G3BP2: variants seen among roughly 807,000 people sequenced by gnomAD.
The protein encoded by G3BP2 is ras GTPase-activating protein-binding protein 2.
Under a neutral mutation model 56.7 loss-of-function variants are expected in G3BP2, and 11 were observed. That is an observed-to-expected ratio of 0.19 (90% CI 0.12 to 0.32). G3BP2 has a LOEUF of 0.32. Ranked by LOEUF, G3BP2 falls within the 10% of genes least tolerant of loss-of-function variation. The pLI, the probability that G3BP2 is intolerant of heterozygous loss-of-function variation, is 1.00. For missense variants in G3BP2, 340 were observed against 610.9 expected, an observed-to-expected ratio of 0.56 and a Z score of 4.67; for synonymous variants, 165 against 191.6, an observed-to-expected ratio of 0.86 and a Z score of 1.15.
chr4:75,673,654 A>AGG, upstream of G3BP2: 1 of 1,228,428 alleles, frequency 8.1e-7, no homozygotes. Flanking sequence ...CGTCACAAGC[A>AGG]GGCTGCCTTT....
intron 8 of G3BP2, among the ~76,000 whole-genome samples, chr4:75,652,573 G>A (rs1268445480): frequency 6.6e-6 from 1 of 152,128 alleles, no homozygotes; most frequent in Non-Finnish European, 1.5e-5. Flanking sequence ...AGTGAGCTAA[G>A]ATAACGCCAC....
chr4:75,715,865 T>C (rs1398299080), intron 3 of G3BP2, among the ~76,000 whole-genome samples: 1 of 152,174 alleles, frequency 6.6e-6, no homozygotes, highest in Admixed American at 6.5e-5. Context: ...TCCTGGTATT[T>C]ATTACACCAT....
upstream of G3BP2, among the ~76,000 whole-genome samples, chr4:75,674,714 A>ATTTTT (rs1402681956): frequency 1.8e-5 from 1 of 54,818 alleles, no homozygotes; most frequent in African/African-American, 6.5e-5. Flanking sequence ...ATATATATAT[A>ATTTTT]TATATTTTTT....
chr4:75,677,607 A>G (rs1350748235), upstream of G3BP2, among the ~76,000 whole-genome samples: 6 of 152,148 alleles, frequency 3.9e-5, no homozygotes, highest in Non-Finnish European at 5.9e-5. Flanking sequence ...AGATGACTAC[A>G]TGCATGTTTA....
chr4:75,693,216 C>A (rs1330710239), intron 3 of G3BP2, among the ~76,000 whole-genome samples: 2 of 152,026 alleles, frequency 1.3e-5, no homozygotes, highest in Non-Finnish European at 2.9e-5. Context: ...TTCACTCCAG[C>A]CTGGCTGACA....
chr4:75,674,718 A>ATATATATATATATTTTTTTTT (rs1241041465), upstream of G3BP2, among the ~76,000 whole-genome samples: 1 of 71,422 alleles, frequency 1.4e-5, no homozygotes, highest in African/African-American at 5.9e-5. Flanking sequence ...ATATATATAT[A>ATATATATATATATTTTTTTTT]TTTTTTTTTT....
At chr4:75,697,273 C>CAAAAAAAAAAAAAAAAAAAAAAAAAAAAA (rs869037819) in intron 3 of G3BP2, among the ~76,000 whole-genome samples, 3 of 28,842 alleles carry the variant, frequency 1.0e-4, no homozygotes, top group African/African-American at 2.7e-4. Context: ...GACTCTGTCT[C>CAAAAAAAAAAAAAAAAAAAAAAAAAAAAA]AAAAAAAAAA....
chr4:75,677,697 C>T (rs374406129), upstream of G3BP2, among the ~76,000 whole-genome samples: 6 of 152,170 alleles, frequency 3.9e-5, no homozygotes, highest in South Asian at 2.1e-4. Context: ...TTAAGGGAAA[C>T]GCATTTTTCT....
At chr4:75,681,473 T>C (rs1226888801) in intron 3 of G3BP2, among the ~76,000 whole-genome samples, 3 of 152,120 alleles carry the variant, frequency 2.0e-5, no homozygotes, top group Non-Finnish European at 4.4e-5. Context: ...ATATACTATG[T>C]TTTTTCCTAC....
chr4:75,716,490 T>A (rs1035843344), intron 3 of G3BP2, among the ~76,000 whole-genome samples: 4 of 145,998 alleles, frequency 2.7e-5, no homozygotes, highest in Non-Finnish European at 6.0e-5. Flanking sequence ...CTAGTTCTTG[T>A]TTTTTTTTGT....
chr4:75,673,056 C>G lies in G3BP2; in HGVS notation c.-25+152G>C, dbSNP rs1229755475. On this transcript the variant is annotated intron_variant, in intron 1 of 11. Coordinates refer to ENST00000359707, the MANE Select transcript of G3BP2 (RefSeq NM_203505.3). Reference sequence around the variant, plus strand: ...CTGGTCTTCTCTCACGCACACACGGCACCGTAGGGAGCCGGCAAGAACAAT... The same window carrying G: ...CTGGTCTTCTCTCACGCACACACGGGACCGTAGGGAGCCGGCAAGAACAAT... 3 of 1,001,810 alleles carry G rather than the reference C, an allele frequency of 3.0e-6. No homozygotes were observed. The African/African-American group carries it at 5.2e-5, about 17-fold the overall frequency. 62.1% of individuals were successfully genotyped at this position (1,001,810 alleles called of 1,614,324 possible).
chr4:75,723,196 GAGGCAGGAGCTGAAAAAGT>G (rs1420554460), intron 1 of G3BP2, among the ~76,000 whole-genome samples: 1 of 152,206 alleles, frequency 6.6e-6, no homozygotes. Context: ...GTATGTGGGG[GAGGCAGGAGCTGAAAAAGT>G]AGGCAGGAGC....
At chr4:75,652,606 C>T (rs1166746651) in intron 8 of G3BP2, among the ~76,000 whole-genome samples, 1 of 152,132 alleles carries the variant, frequency 6.6e-6, no homozygotes. Flanking sequence ...TGCACTCCAG[C>T]CTGGGCGACA....
intron 3 of G3BP2, among the ~76,000 whole-genome samples, chr4:75,709,692 TG>T (rs1719684753): frequency 6.6e-6 from 1 of 152,184 alleles, no homozygotes; most frequent in Non-Finnish European, 1.5e-5. Context: ...GTGTGTGTGG[TG>T]GGGCGGGTTT....
chr4:75,649,936 G>C (rs1471590822), intron 8 of G3BP2, among the ~76,000 whole-genome samples: 5 of 152,000 alleles, frequency 3.3e-5, no homozygotes, highest in Non-Finnish European at 7.4e-5. Context: ...GCTTGAACCC[G>C]GAAGACGGAG....
At chr4:75,717,626 T>A (rs543936164) in intron 3 of G3BP2, among the ~76,000 whole-genome samples, 5 of 152,310 alleles carry the variant, frequency 3.3e-5, no homozygotes, top group Admixed American at 2.6e-4. Context: ...TTACATGGAA[T>A]CTTGGCATCA....
chr4:75,705,425 C>T (rs912312395), intron 3 of G3BP2, among the ~76,000 whole-genome samples: 2 of 152,242 alleles, frequency 1.3e-5, no homozygotes, highest in Non-Finnish European at 2.9e-5. Flanking sequence ...AGTCAAATTC[C>T]TACTTTCCAG....
intron 2 of G3BP2, among the ~76,000 whole-genome samples, chr4:75,660,202 C>T (rs1030944841): frequency 1.3e-5 from 2 of 152,066 alleles, no homozygotes; most frequent in Non-Finnish European, 2.9e-5. Context: ...AAACAAAAAA[C>T]CCTGTATCAT....
intron 2 of G3BP2, among the ~76,000 whole-genome samples, chr4:75,722,041 C>A (rs1720197147): frequency 6.6e-6 from 1 of 152,054 alleles, no homozygotes; most frequent in Non-Finnish European, 1.5e-5. Flanking sequence ...AGGAATTATA[C>A]TAGATGATTA....
Sources: allele counts gnomAD v4.1 joint callset (sites outside exome capture counted in the v4.1 genomes callset), GRCh38; gene constraint gnomAD v4.1.1; transcripts MANE v1.5; gene names NCBI Gene and HGNC (gene_info 2026-07-23, HGNC 2026-07-21).